The following DLC1 variants were observed in gnomAD, a reference collection of about 807,000 sequenced individuals.
DLC1 encodes DLC1 Rho GTPase activating protein, also known as rho GTPase-activating protein 7.
DLC1 carries 54 observed loss-of-function variants against 140.3 expected under a neutral mutation model. That is an observed-to-expected ratio of 0.38 (90% CI 0.31 to 0.48). The LOEUF is 0.48. Ranked by LOEUF, DLC1 falls within the 20% of genes least tolerant of loss-of-function variation. DLC1 has a pLI of 0.96. For synonymous variants in DLC1, 986 were observed against 728.1 expected, an observed-to-expected ratio of 1.35 and a Z score of -5.70; for missense variants, 2,536 against 1,907.0, an observed-to-expected ratio of 1.33 and a Z score of -6.14.
intron 5 of DLC1, among the ~76,000 whole-genome samples, chr8:13,159,061 T>G: frequency 6.6e-6 from 1 of 151,832 alleles, no homozygotes; most frequent in Admixed American, 6.6e-5. Context: ...GAGATAGGAG[T>G]TTTGGCTTCA....
At chr8:13,277,406 A>G (rs1831216200) in intron 5 of DLC1, among the ~76,000 whole-genome samples, 1 of 152,200 alleles carries the variant, frequency 6.6e-6, no homozygotes. Context: ...TTCTACTTAC[A>G]GTGGTTTAAT....
chr8:13,163,195 C>G (rs1824852934), intron 5 of DLC1, among the ~76,000 whole-genome samples: 1 of 152,068 alleles, frequency 6.6e-6, no homozygotes, highest in African/African-American at 2.4e-5. Flanking sequence ...ATAATATTAC[C>G]ACACTTCTTT....
At position 13,363,206 on chromosome 8, in the gene DLC1, A is replaced by C. The variant is rs1835319509; in HGVS notation, c.1314+30347T>G. The stretch of plus-strand genomic sequence containing the variant: ...TAACCTGAAAGTATTTCTGTATTTT[A>C]ATTTGGATTTCTTTGTAGTTTGTTA... On this transcript the variant is annotated intron_variant, in intron 4 of 17. Coordinates refer to ENST00000276297, the MANE Select transcript of DLC1 (RefSeq NM_182643.3). Among the ~76,000 whole-genome samples the C allele has an allele frequency of 2.6e-5, 4 of 152,152 alleles. No individual in the cohort carries two copies. The South Asian group carries it at 8.3e-4, about 32-fold the overall frequency.
chr8:13,394,858 C>T (rs995610893), intron 3 of DLC1, among the ~76,000 whole-genome samples: 1 of 152,080 alleles, frequency 6.6e-6, no homozygotes, highest in Non-Finnish European at 1.5e-5. Context: ...TTTGCTGGCC[C>T]CTTCTTGTCA....
intron 5 of DLC1, among the ~76,000 whole-genome samples, chr8:13,192,456 C>G (rs78022002): frequency 0.01 from 1,586 of 152,266 alleles, 23 homozygotes; most frequent in African/African-American, 0.035. Context: ...TGTGTGGTAT[C>G]TCTTTTGGCA....
At chr8:13,359,461 C>T (rs1323919426) in intron 4 of DLC1, among the ~76,000 whole-genome samples, 6 of 152,146 alleles carry the variant, frequency 3.9e-5, no homozygotes, top group African/African-American at 2.4e-5. Flanking sequence ...TAATAATATG[C>T]ACCTGCGGCT....
intron 2 of DLC1, among the ~76,000 whole-genome samples, chr8:13,402,303 T>G (rs1837333419): frequency 6.6e-6 from 1 of 152,200 alleles, no homozygotes; most frequent in Non-Finnish European, 1.5e-5. Context: ...ATATTTTTAA[T>G]CATAGGAGTA....
Position 13,095,242 on chromosome 8 carries a change from G to C in DLC1, c.3171C>G (p.Ala1057=). 2 of 1,614,192 alleles carry C rather than the reference G, an allele frequency of 1.2e-6. No homozygotes were observed. The highest frequency in any genetic ancestry group is 1.7e-6 in the Non-Finnish European group (2 of 1,180,036). Residue 1057 remains alanine (A), a synonymous_variant, in exon 11 of 18, where the codon GCC becomes GCG. Transcript: ENST00000276297. ...TGATCCTCTTCATGAACTTGGGCAC[G>C]GCCCTGTTAAAGAACACAGAGATGG... ...TPSNKHGFSW[A]VPKFMKRIKV...
chr8:13,433,072 A>C (rs996726001), intron 2 of DLC1, among the ~76,000 whole-genome samples: 8 of 151,418 alleles, frequency 5.3e-5, no homozygotes, highest in African/African-American at 1.9e-4. Context: ...AGAACGATGG[A>C]GTAAAGCCAC....
At chr8:13,318,039 A>T (rs1374094851) in intron 4 of DLC1, among the ~76,000 whole-genome samples, 2 of 151,868 alleles carry the variant, frequency 1.3e-5, no homozygotes, top group African/African-American at 4.8e-5. Flanking sequence ...AGGTTTATTT[A>T]TTTTTAGAGA....
chr8:13,341,576 C>T (rs1054631892), intron 4 of DLC1: 2 of 152,122 alleles, frequency 1.3e-5, no homozygotes, highest in African/African-American at 4.8e-5. Context: ...CCAGGTGGCC[C>T]AGATGGGAGA....
chr8:13,142,334 C>T (rs183480262), intron 5 of DLC1, among the ~76,000 whole-genome samples: 1 of 152,172 alleles, frequency 6.6e-6, no homozygotes, highest in Non-Finnish European at 1.5e-5. Flanking sequence ...AGGATTAGAT[C>T]TGATCTCTAT....
intron 1 of DLC1, among the ~76,000 whole-genome samples, chr8:13,572,258 T>A (rs940935476): frequency 6.6e-6 from 1 of 151,760 alleles, no homozygotes; most frequent in Non-Finnish European, 1.5e-5. Context: ...CCCAGCTAAT[T>A]TTTTGTATTT....
intron 5 of DLC1, among the ~76,000 whole-genome samples, chr8:13,162,193 C>A (rs1824756891): frequency 6.6e-6 from 1 of 152,176 alleles, no homozygotes; most frequent in African/African-American, 2.4e-5. Flanking sequence ...AAGAGGAGAT[C>A]AGGAAAAGGC....
intron 4 of DLC1, among the ~76,000 whole-genome samples, chr8:13,307,981 T>A (rs775302765): frequency 1.3e-5 from 2 of 152,234 alleles, no homozygotes; most frequent in African/African-American, 2.4e-5. Context: ...ATATTTTGTA[T>A]GAGACATTTA....
At chr8:13,533,934 G>A (rs1803185061) in intron 1 of DLC1, among the ~76,000 whole-genome samples, 1 of 151,958 alleles carries the variant, frequency 6.6e-6, no homozygotes, top group African/African-American at 2.4e-5. Flanking sequence ...GTTTCCTGAG[G>A]CCTCCCCAGC....
At chr8:13,429,273 T>C (rs1360359654) in intron 2 of DLC1, among the ~76,000 whole-genome samples, 1 of 152,206 alleles carries the variant, frequency 6.6e-6, no homozygotes, top group Non-Finnish European at 1.5e-5. Flanking sequence ...ATCCCTTAGA[T>C]GATTCTTAAA....
chr8:13,381,235 C>T (rs1385518585), intron 4 of DLC1, among the ~76,000 whole-genome samples: 1 of 152,184 alleles, frequency 6.6e-6, no homozygotes, highest in African/African-American at 2.4e-5. Context: ...GTGTAAGGGC[C>T]TGTCCCTAGG....
At chr8:13,581,698 G>A (rs189676634) in intron 1 of DLC1, among the ~76,000 whole-genome samples, 115 of 152,270 alleles carry the variant, frequency 7.6e-4, no homozygotes, top group African/African-American at 2.7e-3. Context: ...ATCTTTCAAA[G>A]ATGTGCATCA....
Sources: gnomAD v4.1 joint callset for allele counts (sites outside exome capture counted in the v4.1 genomes callset) on GRCh38, gnomAD v4.1.1 for gene constraint, MANE v1.5 for transcripts, NCBI Gene and HGNC (gene_info 2026-07-23, HGNC 2026-07-21) for gene names.